Variants in CSF1R observed in about 807,000 individuals in gnomAD.
CSF1R encodes colony stimulating factor 1 receptor, also known as macrophage colony-stimulating factor 1 receptor.
CSF1R carries 40 observed loss-of-function variants against 110.0 expected under a neutral mutation model. That is an observed-to-expected ratio of 0.36 (90% CI 0.28 to 0.47). The LOEUF is 0.47. Among genes scored for constraint, CSF1R ranks in the 20% least tolerant of loss-of-function variants. CSF1R has a pLI of 0.99. For synonymous variants in CSF1R, 523 were observed against 503.4 expected (o/e 1.04, Z -0.52); for missense variants, 1,052 against 1,253.0 (o/e 0.84, Z 2.42).
At chr5:150,063,460 C>A (rs1757625291) in intron 10 of CSF1R, among the ~76,000 whole-genome samples, 1 of 152,084 alleles carries the variant, frequency 6.6e-6, no homozygotes, top group Non-Finnish European at 1.5e-5. Flanking sequence ...AATCCTTCTG[C>A]CTTGGCCTCT....
At chr5:150,077,231 C>A (rs1419556559) in intron 5 of CSF1R, 45 bp downstream of exon 5, 1 of 1,612,796 alleles carries the variant, frequency 6.2e-7, no homozygotes. Context: ...TGCTCACACT[C>A]CTGCAGGATC....
chr5:150,054,993 C>CAAA (rs11342950), intron 19 of CSF1R, among the ~76,000 whole-genome samples: 2,576 of 74,666 alleles, frequency 0.035, 107 homozygotes, highest in African/African-American at 0.11. Flanking sequence ...GATGCTGTCT[C>CAAA]AAAAAAAAAA....
At chr5:150,073,976 T>C (rs759628565) in intron 5 of CSF1R, among the ~76,000 whole-genome samples, 3 of 152,198 alleles carry the variant, frequency 2.0e-5, no homozygotes, top group African/African-American at 4.8e-5. Flanking sequence ...GGCCCGGTGA[T>C]TGGTTTGGGT....
chr5:150,086,727 A>G (rs1352857296), upstream of CSF1R: 3 of 382,900 alleles, frequency 7.8e-6, no homozygotes, highest in South Asian at 1.0e-4. Flanking sequence ...GGGGGGAGCT[A>G]GCTAAGTTTG....
chr5:150,074,181 C>T (rs1758152787), intron 5 of CSF1R, among the ~76,000 whole-genome samples: 1 of 152,138 alleles, frequency 6.6e-6, no homozygotes, highest in African/African-American at 2.4e-5. Context: ...ATCAGCTGAA[C>T]ACCTGGATCC....
chr5:150,074,567 T>G (rs746814943), intron 5 of CSF1R, among the ~76,000 whole-genome samples: 4 of 152,096 alleles, frequency 2.6e-5, no homozygotes, highest in Non-Finnish European at 4.4e-5. Flanking sequence ...GAACCCCAAT[T>G]CACTCAGCCT....
At chr5:150,081,861 C>T (rs905503594) in intron 1 of CSF1R, among the ~76,000 whole-genome samples, 5 of 152,170 alleles carry the variant, frequency 3.3e-5, no homozygotes, top group African/African-American at 7.2e-5. Context: ...TCAGGCTGTC[C>T]GGGAAGAAGG....
Position 150,062,466 on chromosome 5 carries a change from T to A in CSF1R, c.1627-617A>T, listed in dbSNP as rs962845724. Among the ~76,000 whole-genome samples the A allele has an allele frequency of 1.4e-5, 2 of 146,786 alleles. 1 individual carries two copies. The highest frequency in any genetic ancestry group is 5.0e-5 in the African/African-American group (2 of 39,914). ...CCCTGGCAACCATGATTCTGCTGTC[T>A]CTGTGAATTGCACTGCTCTAGGCAC... On this transcript the variant is annotated intron_variant, in intron 10 of 20. Transcript: ENST00000675795.
At chr5:150,082,156 G>A (rs1374757171) in intron 1 of CSF1R, among the ~76,000 whole-genome samples, 2 of 152,346 alleles carry the variant, frequency 1.3e-5, no homozygotes, top group South Asian at 2.1e-4. Context: ...GGGCTCTGAC[G>A]CTGACCCACT....
intron 9 of CSF1R, 115 bp from the exon 10 acceptor site, chr5:150,068,445 A>C: frequency 1.5e-6 from 1 of 661,744 alleles, no homozygotes; most frequent in Non-Finnish European, 2.6e-6. Flanking sequence ...TGTTGACTGA[A>C]TGAAGCATCC....
At chr5:150,109,058 G>GCCCCCCC (rs60014782) in intron 1 of CSF1R, among the ~76,000 whole-genome samples, 161 of 119,580 alleles carry the variant, frequency 1.3e-3, no homozygotes, top group Middle Eastern at 4.4e-3. Flanking sequence ...GGAGAAGCCC[G>GCCCCCCC]CCCCCCCCCC....
chr5:150,086,822 G>T (rs957517280), upstream of CSF1R, among the ~76,000 whole-genome samples: 2 of 152,186 alleles, frequency 1.3e-5, no homozygotes, highest in Admixed American at 1.3e-4. Context: ...TAGCACAAAT[G>T]AGGGTCTTCA....
intron 18 of CSF1R, among the ~76,000 whole-genome samples, chr5:150,055,726 C>T (rs546951013): frequency 6.6e-6 from 1 of 152,308 alleles, no homozygotes; most frequent in South Asian, 2.1e-4. Flanking sequence ...TAGTAGAGAG[C>T]TGCATCTTCA....
chr5:150,093,855 G>A (rs1011471543), intron 1 of CSF1R, among the ~76,000 whole-genome samples: 1 of 152,164 alleles, frequency 6.6e-6, no homozygotes, highest in Non-Finnish European at 1.5e-5. Flanking sequence ...CCTGAGGTCA[G>A]GAGTTCGAGA....
chr5:150,080,613 G>C (rs1986027), intron 2 of CSF1R, among the ~76,000 whole-genome samples, 154 bp downstream of exon 2: 1 of 152,142 alleles, frequency 6.6e-6, no homozygotes, highest in Admixed American at 6.5e-5. Context: ...GGGTTGTTGT[G>C]AGGACTGCAT....
At chr5:150,074,784 G>A (rs1198557716) in intron 5 of CSF1R, among the ~76,000 whole-genome samples, 2 of 152,092 alleles carry the variant, frequency 1.3e-5, no homozygotes. Context: ...TGGCGTTCAA[G>A]GCTCTCAATC....
intron 1 of CSF1R, among the ~76,000 whole-genome samples, chr5:150,101,957 G>C (rs902804802): frequency 2.6e-5 from 4 of 152,052 alleles, no homozygotes; most frequent in Non-Finnish European, 5.9e-5. Flanking sequence ...TTAGTTCATA[G>C]AGATTTACCA....
intron 1 of CSF1R, among the ~76,000 whole-genome samples, chr5:150,096,013 A>T (rs1759212125): frequency 6.6e-6 from 1 of 152,272 alleles, no homozygotes; most frequent in Admixed American, 6.5e-5. Context: ...ACTTGTAGTT[A>T]AAAACCTTCT....
At chr5:150,087,468 C>T (rs56409516), upstream of CSF1R, among the ~76,000 whole-genome samples, 36,975 of 152,132 alleles carry the variant, frequency 0.24, 4,583 homozygotes, top group Middle Eastern at 0.31. Flanking sequence ...GATCAAATGC[C>T]TTAAGCTTGT....
Sources: gnomAD v4.1 joint callset for allele counts (sites outside exome capture counted in the v4.1 genomes callset) on GRCh38, gnomAD v4.1.1 for gene constraint, MANE v1.5 for transcripts, NCBI Gene and HGNC (gene_info 2026-07-23, HGNC 2026-07-21) for gene names.